Variants in LCN12 observed in about 807,000 individuals in gnomAD.
LCN12 encodes epididymal-specific lipocalin-12.
In LCN12, 15 loss-of-function variants were observed where a neutral mutation model predicts 23.7. The observed-to-expected ratio is 0.63, with a 90% confidence interval of 0.42 to 0.97. LCN12 has a LOEUF of 0.97. Ranked by LOEUF, LCN12 falls within the 50% of genes least tolerant of loss-of-function variation. The pLI, the probability that LCN12 is intolerant of heterozygous loss-of-function variation, is 0.00. For synonymous variants in LCN12, 116 were observed against 111.5 expected (o/e 1.04, Z -0.25); for missense variants, 219 against 249.6 (o/e 0.88, Z 0.83).
At chr9:136,955,348 C>T in intron 5 of LCN12, 23 bp from the exon 6 acceptor site, 1 of 1,612,514 alleles carries the variant, frequency 6.2e-7, no homozygotes, top group Non-Finnish European at 8.5e-7. Context: ...TGTCCTCCAT[C>T]CCGACTCCAT....
chr9:136,953,067 G>A, intron 2 of LCN12, 39 bp downstream of exon 2: 3 of 1,609,230 alleles, frequency 1.9e-6, no homozygotes, highest in Non-Finnish European at 2.5e-6. Context: ...GGGTGAGGAG[G>A]ATCCCGGGCC....
upstream of LCN12, among the ~76,000 whole-genome samples, chr9:136,949,997 C>A (rs1229406493): frequency 1.3e-5 from 2 of 150,468 alleles, no homozygotes; most frequent in Non-Finnish European, 3.0e-5. Flanking sequence ...CCACCCCAGG[C>A]GGTATGGAAG....
upstream of LCN12, among the ~76,000 whole-genome samples, chr9:136,949,326 T>C (rs951934543): frequency 5.9e-5 from 9 of 152,370 alleles, no homozygotes; most frequent in East Asian, 5.8e-4. Flanking sequence ...AGGACTGTCC[T>C]GGGTGCCCCC....
upstream of LCN12, among the ~76,000 whole-genome samples, chr9:136,951,025 G>GGGAGGAGGT (rs11282338): frequency 0.46 from 69,230 of 151,492 alleles, 16,617 homozygotes; most frequent in Admixed American, 0.52. Flanking sequence ...GGGACCTGGG[G>GGGAGGAGGT]GGCCTGGACA....
rs763278470 is a variant in LCN12, at chr9:136,954,723, G to C, written c.550+468G>C. 2.3e-6 allele frequency: 3 copies of C among 1,291,170 alleles called. No homozygotes were observed. The South Asian group carries it at 3.7e-5, about 16-fold the overall frequency. The allele number at this position is 1,291,170 out of a possible 1,614,324, so 80.0% of individuals were successfully genotyped here. A position where few individuals can be genotyped will look rare whatever the true frequency, so the allele number is the denominator to read the frequency against. The stretch of plus-strand genomic sequence containing the variant: ...TCACAAGGAGCTTGGACTCATCCCA[G>C]GAGGTGCCCTGGACCTCAGCAGCCT... On this transcript the variant is annotated intron_variant, in intron 5 of 5. Transcript: ENST00000371633.
Position 136,952,397 on chromosome 9 carries a change from C to T in LCN12, c.70C>T (p.Pro24Ser), listed in dbSNP as rs887938049. 1 of 1,613,190 alleles carries T rather than the reference C, an allele frequency of 6.2e-7. No individual in the cohort carries two copies. Among genetic ancestry groups the T allele is most frequent in the African/African-American group, 1.3e-5 (1 of 74,914 alleles). The change falls in exon 1 of 6, where the codon CCC (proline) becomes TCC (serine). Residue 24 changes from proline to serine, a missense_variant. Physicochemically the swap from Pro to Ser is moderately conservative, Grantham distance 74. Transcript: ENST00000371633. ...AGTCCTGCAGGCCCAGACCCCAACC[C>T]CCCTGCCACTCCCGCCCCCGATGCA... ...LKVLQAQTPT[P>S]LPLPPPMQSF...
chr9:136,954,693 C>G, intron 5 of LCN12: 1 of 1,289,778 alleles, frequency 7.8e-7, no homozygotes, highest in Non-Finnish European at 1.0e-6. Context: ...CTCACCCATC[C>G]CTGCTCACAA....
At chr9:136,950,361 G>A (rs1344716998), upstream of LCN12, among the ~76,000 whole-genome samples, 2 of 152,198 alleles carry the variant, frequency 1.3e-5, no homozygotes, top group Non-Finnish European at 2.9e-5. Flanking sequence ...GGAGCATGGG[G>A]CCTGAGGCGC....
chr9:136,953,666 G>A lies in LCN12; in HGVS notation c.252-34G>A, dbSNP rs377252368. The A allele has an allele frequency of 2.8e-4, 416 of 1,503,002 alleles. 1 individual carries two copies. The highest frequency in any genetic ancestry group is 1.9e-3 in the Middle Eastern group (11 of 5,738). The allele number at this position is 1,503,002 out of a possible 1,614,324, so 93.1% of individuals were successfully genotyped here. A position where few individuals can be genotyped will look rare whatever the true frequency, so the allele number is the denominator to read the frequency against. ...CCTCAGCATGGACCTGCCAGCTTCC[G>A]GAGCCTTCCGCCTCCACCTGTCCCC... On this transcript the variant is annotated intron_variant, in intron 2 of 5. Coordinates refer to ENST00000371633, the MANE Select transcript of LCN12 (RefSeq NM_178536.4).
At chr9:136,956,532 A>G (rs1287147654), downstream of LCN12, among the ~76,000 whole-genome samples, 1 of 152,224 alleles carries the variant, frequency 6.6e-6, no homozygotes, top group Non-Finnish European at 1.5e-5. Flanking sequence ...CTGCAGCCAC[A>G]ATTCAACCTT....
In LCN12 at chr9:136,953,047, C is replaced by T. The variant is rs764179324; in HGVS notation, c.251+19C>T. 5.6e-6 allele frequency: 9 copies of T among 1,613,002 alleles called. No individual in the cohort carries two copies. The highest frequency in any genetic ancestry group is 2.2e-5 in the East Asian group (1 of 44,896). The stretch of plus-strand genomic sequence containing the variant: ...TGACTCGGTGAGTGGCTGTCCCTGC[C>T]GTTCCAAGCGGGTGAGGAGGATCCC... On this transcript the variant is annotated intron_variant, in intron 2 of 5. Coordinates refer to ENST00000371633, the MANE Select transcript of LCN12 (RefSeq NM_178536.4).
At chr9:136,949,653 G>A (rs1449514238), upstream of LCN12, 2 of 152,810 alleles carry the variant, frequency 1.3e-5, no homozygotes, top group African/African-American at 2.4e-5. Flanking sequence ...CGGGAACGGA[G>A]GAAGAGCAGT....
At chr9:136,955,671 A>C (rs1202006160), downstream of LCN12, among the ~76,000 whole-genome samples, 1 of 152,232 alleles carries the variant, frequency 6.6e-6, no homozygotes, top group Non-Finnish European at 1.5e-5. Flanking sequence ...ATGTATGTTC[A>C]TGCATGAGTC....
chr9:136,953,311 C>G (rs569739082), intron 2 of LCN12: 3 of 525,516 alleles, frequency 5.7e-6, no homozygotes, highest in Non-Finnish European at 1.0e-5. Context: ...CACCTGTAAT[C>G]CCAGGACTTC....
chr9:136,949,520 C>T (rs1258286703), upstream of LCN12: 1 of 152,416 alleles, frequency 6.6e-6, no homozygotes, highest in African/African-American at 2.4e-5. Context: ...CCAACCACCC[C>T]TGGCCCCCCA....
rs369224290 is a variant in LCN12, at chr9:136,953,882, G to A, written c.366G>A (p.Val122=). ...PGADREETRV[V]DSDYTQFALM... is the part of the protein sequence containing the mutation. ...CGGACAGAGAGGAGACCCGGGTGGT[G>A]GACAGCGACTACACCCAGTTCGCCC... Residue 122 remains valine (V), a synonymous_variant, in exon 4 of 6, where the codon GTG becomes GTA. Transcript: ENST00000371633. 1.2e-6 allele frequency: 2 copies of A among 1,607,364 alleles called. No individual in the cohort carries two copies. The highest frequency in any genetic ancestry group is 1.3e-5 in the African/African-American group (1 of 74,988).
rs536256202 is a variant in LCN12 at position 136,955,045 on chromosome 9, TCTGCACACAC to T, written c.551-307_551-298del. On this transcript the variant is annotated intron_variant, in intron 5 of 5. Coordinates refer to ENST00000371633, the MANE Select transcript of LCN12 (RefSeq NM_178536.4). ...ACCCGTGCACAGGCACACGTGCTGG[TCTGCACACAC>T]CTGCACACACCTGCACACTCGCTAT... is the stretch of plus-strand genomic sequence containing the variant. 5.5e-4 allele frequency: 768 copies of T among 1,399,672 alleles called. 4 individuals carry two copies. In the African/African-American group the frequency reaches 9.0e-3, roughly 16 times the overall value. The allele number at this position is 1,399,672 out of a possible 1,614,324, so 86.7% of individuals were successfully genotyped here.
At chr9:136,950,807 T>C (rs540297351), upstream of LCN12, among the ~76,000 whole-genome samples, 1 of 152,252 alleles carries the variant, frequency 6.6e-6, no homozygotes, top group African/African-American at 2.4e-5. Context: ...ACGTGGGCAG[T>C]GAGGCCTGGG....
chr9:136,954,779 C>A lies in LCN12; in HGVS notation c.550+524C>A, dbSNP rs535041679. The A allele has an allele frequency of 7.2e-4, 930 of 1,291,068 alleles. 3 individuals carry two copies. The Middle Eastern group carries it at 0.011, about 15-fold the overall frequency. 80.0% of individuals were successfully genotyped at this position (1,291,068 alleles called of 1,614,324 possible). A position where few individuals can be genotyped will look rare whatever the true frequency, so the allele number is the denominator to read the frequency against. ...GGGTGGCAGCCCCAGCCTGACCACTCAGACAGCCGCGGCCCCCAAGGCCTG... is the reference window on the plus strand; with the variant it reads ...GGGTGGCAGCCCCAGCCTGACCACTAAGACAGCCGCGGCCCCCAAGGCCTG... On this transcript the variant is annotated intron_variant, in intron 5 of 5. Transcript: ENST00000371633.
Sources: allele counts gnomAD v4.1 joint callset (sites outside exome capture counted in the v4.1 genomes callset), GRCh38; gene constraint gnomAD v4.1.1; transcripts MANE v1.5; gene names NCBI Gene and HGNC (gene_info 2026-07-23, HGNC 2026-07-21).